The following DNAH8 variants were observed in gnomAD, a reference collection of about 807,000 sequenced individuals.
DNAH8 encodes the protein dynein axonemal heavy chain 8.
Under a neutral mutation model 562.1 loss-of-function variants are expected in DNAH8, and 382 were observed. The observed-to-expected ratio is 0.68, with a 90% CI of 0.63 to 0.74. The LOEUF is 0.74. Ranked by LOEUF, DNAH8 falls within the 30% of genes least tolerant of loss-of-function variation. The pLI is 0.00. For missense variants in DNAH8, 5,203 were observed against 5,620.4 expected (o/e 0.93, Z 2.37); for synonymous variants, 1,881 against 1,919.4 (o/e 0.98, Z 0.52).
At position 38,848,263 on chromosome 6, in the gene DNAH8, G is replaced by A. The variant is rs572169055; in HGVS notation, c.5046-385G>A. Among the ~76,000 whole-genome samples, 7 of 152,218 alleles carry A rather than the reference G, an allele frequency of 4.6e-5. No homozygotes were observed. In the East Asian group the frequency reaches 9.7e-4, roughly 21 times the overall value. ...AGTAGTTCCACAGACCAGTAACAGT[G>A]TCTCACATGTTACTCTCACAAGCAG... On this transcript the variant is annotated intron_variant, in intron 36 of 92. Coordinates refer to ENST00000327475, the MANE Select transcript of DNAH8 (RefSeq NM_001206927.2).
chr6:38,860,057 T>A (rs1776493530), intron 42 of DNAH8, among the ~76,000 whole-genome samples: 1 of 152,184 alleles, frequency 6.6e-6, no homozygotes, highest in East Asian at 1.9e-4. Context: ...ATCCCTTTTG[T>A]TCCCCGCTCC....
intron 88 of DNAH8, among the ~76,000 whole-genome samples, chr6:39,007,183 T>G (rs549203874): frequency 6.6e-6 from 1 of 152,344 alleles, no homozygotes; most frequent in South Asian, 2.1e-4. Context: ...CACAGTAACA[T>G]TTGCACCATA....
At chr6:38,779,518 A>G (rs1768382163) in intron 14 of DNAH8, among the ~76,000 whole-genome samples, 2 of 152,196 alleles carry the variant, frequency 1.3e-5, no homozygotes, top group African/African-American at 4.8e-5. Flanking sequence ...TTTAGCTGAC[A>G]AAGTTGTTTT....
In DNAH8 at chr6:38,883,465, C is replaced by T. The variant is rs770203849; in HGVS notation, c.8136+9C>T. ...AACCAATGATGTTTCAGGTGAAATC[C>T]ATCATTTGCTGTAATATTATAAACA... On this transcript the variant is annotated intron_variant, in intron 55 of 92. Coordinates refer to ENST00000327475, the MANE Select transcript of DNAH8 (RefSeq NM_001206927.2). The T allele has an allele frequency of 1.2e-6, 2 of 1,603,480 alleles. No individual in the cohort carries two copies. The highest frequency in any genetic ancestry group is 2.3e-5 in the South Asian group (2 of 88,532).
intron 28 of DNAH8, 152 bp downstream of exon 28, chr6:38,823,840 A>T: frequency 2.2e-6 from 1 of 448,270 alleles, no homozygotes; most frequent in Non-Finnish European, 3.8e-6. Context: ...ATAGTATTAT[A>T]CCAAGATATA....
chr6:38,720,459 C>T (rs2127561506), intron 1 of DNAH8, among the ~76,000 whole-genome samples: 1 of 152,278 alleles, frequency 6.6e-6, no homozygotes, highest in African/African-American at 2.4e-5. Flanking sequence ...TTAGGACTTC[C>T]CCCATTTTGG....
In DNAH8 at chr6:38,804,785, G is replaced by GAGAGAGAGAA. The variant is rs1554215824; in HGVS notation, c.3035-691_3035-690insGAGAAAGAGA. Among the ~76,000 whole-genome samples the GAGAGAGAGAA allele has an allele frequency of 2.3e-3, 257 of 110,292 alleles. 1 individual carries two copies. The highest frequency in any genetic ancestry group is 8.0e-3 in the African/African-American group (241 of 30,234). The allele number at this position is 110,292 out of a possible 152,430, so 72.4% of individuals were successfully genotyped here. A position where few individuals can be genotyped will look rare whatever the true frequency, so the allele number is the denominator to read the frequency against. On this transcript the variant is annotated intron_variant, in intron 22 of 92. Transcript: ENST00000327475. ...AGAGAGAGAGAGAGAGAGAGAGAGAGAGAGAAAGAGAAAACTGTGCCTGGA... is the reference window on the plus strand; with the variant it reads ...AGAGAGAGAGAGAGAGAGAGAGAGAGAGAGAGAGAAAGAGAAAGAGAAAACTGTGCCTGGA...
intron 91 of DNAH8, among the ~76,000 whole-genome samples, chr6:39,015,882 G>GCA (rs1766532993): frequency 1.3e-5 from 2 of 152,138 alleles, no homozygotes; most frequent in Non-Finnish European, 2.9e-5. Context: ...TTACACACAA[G>GCA]CACACACACA....
intron 53 of DNAH8, among the ~76,000 whole-genome samples, chr6:38,877,493 A>C (rs914530521): frequency 6.6e-6 from 1 of 152,292 alleles, no homozygotes; most frequent in Middle Eastern, 3.4e-3. Context: ...TGGTCTGTTG[A>C]CTAAAATATT....
chr6:38,827,168 A>G (rs957048264), intron 29 of DNAH8, among the ~76,000 whole-genome samples: 1 of 150,830 alleles, frequency 6.6e-6, no homozygotes, highest in East Asian at 2.0e-4. Context: ...TCTCACACCT[A>G]CTTTCCTGCC....
intron 29 of DNAH8, among the ~76,000 whole-genome samples, chr6:38,827,574 G>A (rs918310527): frequency 6.6e-6 from 1 of 151,658 alleles, no homozygotes; most frequent in Non-Finnish European, 1.5e-5. Flanking sequence ...AACCCATTGA[G>A]AGTTTATACT....
intron 30 of DNAH8, 138 bp from the exon 31 acceptor site, chr6:38,832,170 ATTTGGGTTATTAAT>A: frequency 1.7e-6 from 1 of 598,450 alleles, no homozygotes; most frequent in Non-Finnish European, 3.0e-6. Flanking sequence ...CTGTAGGTTC[ATTTGGGTTATTAAT>A]ATATTTTATT....
chr6:39,012,682 G>C (rs750670646), intron 91 of DNAH8, 45 bp downstream of exon 91: 1 of 1,433,754 alleles, frequency 7.0e-7, no homozygotes, highest in Non-Finnish European at 9.8e-7. Context: ...TTTGTGTATT[G>C]TTGGATAGTA....
At chr6:38,839,229 C>T (rs572736886) in intron 33 of DNAH8, among the ~76,000 whole-genome samples, 1 of 152,268 alleles carries the variant, frequency 6.6e-6, no homozygotes, top group East Asian at 1.9e-4. Flanking sequence ...AATGCGTTCA[C>T]CCTCAGGCTA....
rs375631180 is a variant in DNAH8 at position 38,932,216 on chromosome 6, A to ACACACACACACACACACACACC, written c.11457+224_11457+225insACACACACACACACACACACCC. Among the ~76,000 whole-genome samples the ACACACACACACACACACACACC allele has an allele frequency of 4.2e-4, 61 of 145,736 alleles. 1 individual carries two copies. The Middle Eastern group carries it at 0.014, about 35-fold the overall frequency. ...CACACACACACACACACACACACAC[A>ACACACACACACACACACACACC]CCCGTCTCTTTCTACTTCTGTCTTT... On this transcript the variant is annotated intron_variant, in intron 76 of 92. Transcript: ENST00000327475.
intron 10 of DNAH8, 51 bp downstream of exon 10, chr6:38,756,130 A>C (rs1765887385): frequency 1.7e-6 from 2 of 1,161,792 alleles, no homozygotes; most frequent in South Asian, 1.2e-5. Flanking sequence ...AAAGTTAGCA[A>C]ATCTTTCCTT....
Position 38,921,520 on chromosome 6 carries a change from T to TA in DNAH8, c.10662+20dup, listed in dbSNP as rs772003827. 5.3e-5 allele frequency: 85 copies of TA among 1,607,956 alleles called. 1 individual carries two copies. The highest frequency in any genetic ancestry group is 6.2e-5 in the Non-Finnish European group (73 of 1,177,510). On this transcript the variant is annotated intron_variant, in intron 71 of 92. Transcript: ENST00000327475. ...AATGAGAAAATGGTGAGATTAAACA[T>TA]AAAAAATCCCCAAAATGGTGTACTG...
At chr6:38,960,240 G>A (rs562581365) in intron 82 of DNAH8, among the ~76,000 whole-genome samples, 1 of 151,898 alleles carries the variant, frequency 6.6e-6, no homozygotes, top group South Asian at 2.1e-4. Context: ...TCAAAAACAG[G>A]CAACCAAAGC....
At chr6:38,871,379 C>A (rs969882183) in intron 49 of DNAH8, among the ~76,000 whole-genome samples, 1 of 152,110 alleles carries the variant, frequency 6.6e-6, no homozygotes, top group Non-Finnish European at 1.5e-5. Context: ...TAAAAAATTT[C>A]TGGGAAAACA....
Sources: gnomAD v4.1 joint callset for allele counts (sites outside exome capture counted in the v4.1 genomes callset) on GRCh38, gnomAD v4.1.1 for gene constraint, MANE v1.5 for transcripts, NCBI Gene and HGNC (gene_info 2026-07-23, HGNC 2026-07-21) for gene names.